The following TNFRSF10A variants were observed in gnomAD, a reference collection of about 807,000 sequenced individuals.
TNFRSF10A encodes the protein TNF receptor superfamily member 10a, also known as tumor necrosis factor receptor superfamily member 10A.
TNFRSF10A carries 44 observed loss-of-function variants against 42.8 expected under a neutral mutation model. The ratio of observed to expected loss-of-function variants is 1.03; its 90% confidence interval spans 0.81 to 1.32. The LOEUF (loss-of-function observed/expected upper bound fraction) is 1.32. Among genes scored for constraint, TNFRSF10A ranks in the 40% most tolerant of loss-of-function variants. The pLI, the probability that TNFRSF10A is intolerant of heterozygous loss-of-function variation, is 0.00. For synonymous variants in TNFRSF10A, 259 were observed against 234.2 expected, an observed-to-expected ratio of 1.11 and a Z score of -0.97; for missense variants, 680 against 602.0, an observed-to-expected ratio of 1.13 and a Z score of -1.36.
chr8:23,202,731 C>T lies in TNFRSF10A; in HGVS notation c.434G>A (p.Cys145Tyr), dbSNP rs1192537926. The T allele has an allele frequency of 6.2e-7, 1 of 1,613,962 alleles. No individual in the cohort carries two copies. The highest frequency in any genetic ancestry group is 1.7e-5 in the Admixed American group (1 of 60,012). ...ACCCACACCCTCTGTGCACCGGTTA[C>T]AGGCTCCAGGATGTTCTGATCTATG... ...GSHRSEHPGA[C>Y]NRCTEGVGYT... Residue 145 changes from cysteine to tyrosine, a missense_variant, in exon 3 of 10, where the codon TGT becomes TAT. Transcript: ENST00000221132.
intron 1 of TNFRSF10A, among the ~76,000 whole-genome samples, chr8:23,214,657 G>C (rs992264929): frequency 6.6e-6 from 1 of 152,118 alleles, no homozygotes; most frequent in Non-Finnish European, 1.5e-5. Context: ...CTAACATATA[G>C]TGTGTCCTGG....
At chr8:23,207,642 T>C (rs1275769407) in intron 2 of TNFRSF10A, among the ~76,000 whole-genome samples, 1 of 152,132 alleles carries the variant, frequency 6.6e-6, no homozygotes, top group Non-Finnish European at 1.5e-5. Flanking sequence ...TGGGAGGTAA[T>C]TGAATCATGT....
chr8:23,224,697 C>A, intron 1 of TNFRSF10A, 59 bp downstream of exon 1: 1 of 1,522,412 alleles, frequency 6.6e-7, no homozygotes, highest in Non-Finnish European at 8.8e-7. Context: ...CCCTCTCTCT[C>A]TGCCCCCTCC....
At chr8:23,216,298 G>T (rs1801179505) in intron 1 of TNFRSF10A, among the ~76,000 whole-genome samples, 1 of 152,114 alleles carries the variant, frequency 6.6e-6, no homozygotes, top group African/African-American at 2.4e-5. Context: ...ACACCTCTGA[G>T]TCATTGATTT....
In TNFRSF10A at chr8:23,201,856, G is replaced by T. The variant is rs1206079392; in HGVS notation, c.581C>A (p.Thr194Asn). 4 of 1,613,312 alleles carry T rather than the reference G, an allele frequency of 2.5e-6. No homozygotes were observed. The highest frequency in any genetic ancestry group is 1.1e-5 in the South Asian group (1 of 91,036). ...CTCAGCAGAATTGTCATTCCGGAAA[G>T]TTCCTGGTTTGCACTGACATGCTGT... ...RNTACQCKPG[T>N]FRNDNSAEMC... The change falls in exon 4 of 10, where the codon ACT (threonine) becomes AAT (asparagine). Residue 194 changes from threonine to asparagine, a missense_variant. By Grantham distance (65) the Thr-to-Asn change is moderately conservative. Transcript: ENST00000221132.
At chr8:23,213,047 G>T (rs1801112625) in intron 1 of TNFRSF10A, among the ~76,000 whole-genome samples, 1 of 152,160 alleles carries the variant, frequency 6.6e-6, no homozygotes, top group Non-Finnish European at 1.5e-5. Flanking sequence ...TTGCTGGGAA[G>T]TTTTGGATTA....
chr8:23,207,583 C>G (rs994841570), intron 2 of TNFRSF10A, among the ~76,000 whole-genome samples: 1 of 152,090 alleles, frequency 6.6e-6, no homozygotes, highest in Non-Finnish European at 1.5e-5. Context: ...TGGCTGTGTC[C>G]CCACACAAAT....
In TNFRSF10A at chr8:23,191,470, T is replaced by C. The variant is rs747619325; in HGVS notation, c.*224A>G. 11 of 623,730 alleles carry C rather than the reference T, an allele frequency of 1.8e-5. No individual in the cohort carries two copies. The highest frequency in any genetic ancestry group is 3.0e-5 in the Non-Finnish European group (11 of 368,876). The allele number at this position is 623,730 out of a possible 1,614,324, so 38.6% of individuals were successfully genotyped here. A position where few individuals can be genotyped will look rare whatever the true frequency, so the allele number is the denominator to read the frequency against. ...CACACCATCACATCCAGTTAATTTT[T>C]GTATTTTTTTGTAAAGACGGCATTT... On this transcript the variant is annotated 3_prime_UTR_variant, in exon 10 of 10. Coordinates refer to ENST00000221132, the MANE Select transcript of TNFRSF10A (RefSeq NM_003844.4).
At chr8:23,194,128 G>A (rs1054581193) in intron 9 of TNFRSF10A, among the ~76,000 whole-genome samples, 1 of 152,176 alleles carries the variant, frequency 6.6e-6, no homozygotes, top group Non-Finnish European at 1.5e-5. Context: ...GAACATATTT[G>A]TAGACTGGTG....
At chr8:23,224,584 TG>T in intron 1 of TNFRSF10A, 171 bp downstream of exon 1, 1 of 883,030 alleles carries the variant, frequency 1.1e-6, no homozygotes, top group Non-Finnish European at 1.7e-6. Context: ...CGCTCCTGCC[TG>T]GCCCCGGGGA....
intron 1 of TNFRSF10A, among the ~76,000 whole-genome samples, chr8:23,221,992 T>C (rs1248067971): frequency 6.6e-6 from 1 of 151,972 alleles, no homozygotes; most frequent in East Asian, 1.9e-4. Flanking sequence ...TTCTCCTGCC[T>C]CAGCCTCCCG....
Position 23,199,931 on chromosome 8 carries a change from C to T in TNFRSF10A, c.800-14G>A, listed in dbSNP as rs151044229. ...CCCCTCCACAACCTAGAAGAGAAGA[C>T]GGTTCCCTTAGTGGCCAGGGAGGGG... On this transcript the variant is annotated splice_polypyrimidine_tract_variant and intron_variant, in intron 6 of 9. Coordinates refer to ENST00000221132, the MANE Select transcript of TNFRSF10A (RefSeq NM_003844.4). The T allele has an allele frequency of 1.8e-4, 289 of 1,612,798 alleles. No homozygotes were observed. In the Middle Eastern group the frequency reaches 2.6e-3, roughly 15 times the overall value.
At chr8:23,220,479 T>C (rs1166947133) in intron 1 of TNFRSF10A, among the ~76,000 whole-genome samples, 3 of 152,224 alleles carry the variant, frequency 2.0e-5, no homozygotes, top group African/African-American at 4.8e-5. Flanking sequence ...GCCGTGCTCC[T>C]CTTCAGCTGT....
intron 1 of TNFRSF10A, 136 bp downstream of exon 1, chr8:23,224,620 G>C: frequency 8.3e-7 from 1 of 1,205,896 alleles, no homozygotes; most frequent in Non-Finnish European, 1.1e-6. Flanking sequence ...CGACTCCGAC[G>C]ACGGGCTCCT....
intron 2 of TNFRSF10A, among the ~76,000 whole-genome samples, 172 bp downstream of exon 2, chr8:23,211,944 C>A (rs1242302069): frequency 6.6e-6 from 1 of 152,088 alleles, no homozygotes; most frequent in African/African-American, 2.4e-5. Flanking sequence ...TTGGATTTGG[C>A]AAAGGATCAA....
At chr8:23,214,269 C>T (rs924052108) in intron 1 of TNFRSF10A, among the ~76,000 whole-genome samples, 3 of 152,106 alleles carry the variant, frequency 2.0e-5, no homozygotes, top group South Asian at 2.1e-4. Flanking sequence ...AGGCAGATCA[C>T]GAAGTCAGGA....
At chr8:23,221,840 T>A (rs867402062) in intron 1 of TNFRSF10A, among the ~76,000 whole-genome samples, 1 of 151,760 alleles carries the variant, frequency 6.6e-6, no homozygotes, top group Non-Finnish European at 1.5e-5. Flanking sequence ...GAAAGTTCCA[T>A]GTAGTAAGGG....
rs58691757 is a variant in TNFRSF10A at position 23,213,436 on chromosome 8, C to CTTT, written c.307-1227_307-1225dup. ...GCTGGTTTGGGCTTAGTTTGCTCCT[C>CTTT]TTTTTTTTTTTTTTTTTTTTTTTTT... On this transcript the variant is annotated intron_variant, in intron 1 of 9. Coordinates refer to ENST00000221132, the MANE Select transcript of TNFRSF10A (RefSeq NM_003844.4). 2.2e-4 allele frequency among the ~76,000 whole-genome samples: 15 copies of CTTT among 68,658 alleles called. 1 individual carries two copies. Among genetic ancestry groups the CTTT allele is most frequent in the African/African-American group, 7.9e-4 (13 of 16,490 alleles). The allele number at this position is 68,658 out of a possible 152,430, so 45.0% of individuals were successfully genotyped here.
chr8:23,219,774 A>C (rs891651094), intron 1 of TNFRSF10A, among the ~76,000 whole-genome samples: 4 of 152,228 alleles, frequency 2.6e-5, no homozygotes, highest in Admixed American at 6.5e-5. Flanking sequence ...TGCTGAGACC[A>C]ACAGCAGACA....
Sources: allele counts gnomAD v4.1 joint callset (sites outside exome capture counted in the v4.1 genomes callset), GRCh38; gene constraint gnomAD v4.1.1; transcripts MANE v1.5; gene names NCBI Gene and HGNC (gene_info 2026-07-23, HGNC 2026-07-21).